GPM6B: variants seen among roughly 807,000 people sequenced by gnomAD.
GPM6B encodes the protein glycoprotein M6B.
GPM6B carries 4 observed loss-of-function variants against 27.2 expected under a neutral mutation model. The ratio of observed to expected loss-of-function variants is 0.15; its 90% CI spans 0.07 to 0.34. The LOEUF (loss-of-function observed/expected upper bound fraction) is 0.34. GPM6B is among the 10% of genes least tolerant of loss of function. The pLI is 1.00. For missense variants in GPM6B, 183 were observed against 261.9 expected (o/e 0.70, Z 2.08); for synonymous variants, 124 against 103.1 (o/e 1.20, Z -1.23).
At chrX:13,885,528 T>C (rs1416000258) in intron 1 of GPM6B, among the ~76,000 whole-genome samples, 1 of 111,966 alleles carries the variant, frequency 8.9e-6, no homozygotes, top group Non-Finnish European at 1.9e-5. Context: ...CCAGGACTCC[T>C]AGAGGTGGCC....
chrX:13,837,307 C>T (rs1194516117), intron 1 of GPM6B, among the ~76,000 whole-genome samples: 1 of 111,505 alleles, frequency 9.0e-6, no homozygotes, highest in Non-Finnish European at 1.9e-5. Context: ...GGTAGAAGTC[C>T]CCTTTCCTAG....
chrX:13,918,663 G>C (rs773822098), intron 1 of GPM6B, among the ~76,000 whole-genome samples: 10 of 112,008 alleles, frequency 8.9e-5, no homozygotes, highest in Non-Finnish European at 1.3e-4. Flanking sequence ...AGGCTGTACA[G>C]AAAGCATGAT....
chrX:13,875,344 G>A (rs1281470897), intron 1 of GPM6B, among the ~76,000 whole-genome samples: 1 of 111,528 alleles, frequency 9.0e-6, no homozygotes, highest in Non-Finnish European at 1.9e-5. Context: ...ATGAATTATG[G>A]GAAGCTGCAG....
rs1196826327 is a variant in GPM6B at position 13,771,412 on chromosome X, G to A, written c.*1469C>T. On this transcript the variant is annotated 3_prime_UTR_variant, in exon 8 of 8. Coordinates refer to ENST00000316715, the MANE Select transcript of GPM6B (RefSeq NM_001001995.3). ...TAAAAAAAAAAAAAAATCCCAAATA[G>A]GCATTTTTAGGCATTAACCAAAAAA... 2 of 110,347 alleles carry A rather than the reference G, an allele frequency of 1.8e-5. No individual in the cohort carries two copies. Among genetic ancestry groups the A allele is most frequent in the African/African-American group, 6.6e-5 (2 of 30,399 alleles). 9.1% of individuals were successfully genotyped at this position (110,347 alleles called of 1,213,427 possible).
At chrX:13,780,853 A>G (rs994432685) in intron 4 of GPM6B, 7 of 242,800 alleles carry the variant, frequency 2.9e-5, no homozygotes, top group East Asian at 1.5e-4. Flanking sequence ...TGGCTTTTCT[A>G]TTTTGAAGCT....
At chrX:13,804,492 CACT>C (rs1307471337) in intron 2 of GPM6B, among the ~76,000 whole-genome samples, 6 of 109,759 alleles carry the variant, frequency 5.5e-5, no homozygotes, top group Non-Finnish European at 1.1e-4. Context: ...AAGATGTGGA[CACT>C]ACATGTCCAA....
intron 1 of GPM6B, among the ~76,000 whole-genome samples, chrX:13,841,040 C>T (rs971444955): frequency 3.6e-5 from 4 of 112,101 alleles, no homozygotes; most frequent in African/African-American, 1.3e-4. Context: ...ATAAGGCATA[C>T]CTGCATACTT....
chrX:13,929,432 T>TTA (rs751166929), intron 1 of GPM6B, among the ~76,000 whole-genome samples: 4 of 100,887 alleles, frequency 4.0e-5, no homozygotes, highest in Non-Finnish European at 8.0e-5. Flanking sequence ...AGAAAAAGAT[T>TTA]AAAAAAAAAA....
chrX:13,791,843 C>A (rs1278648305), intron 2 of GPM6B, among the ~76,000 whole-genome samples: 3 of 110,492 alleles, frequency 2.7e-5, no homozygotes, highest in Non-Finnish European at 5.7e-5. Context: ...CTGGCAGGAA[C>A]AAGGGCTCAG....
intron 2 of GPM6B, among the ~76,000 whole-genome samples, chrX:13,787,078 A>G (rs1312334474): frequency 1.0e-5 from 1 of 100,430 alleles, no homozygotes; most frequent in Non-Finnish European, 2.1e-5. Flanking sequence ...AATCCCCCAA[A>G]TGGTCTTCAT....
intron 1 of GPM6B, among the ~76,000 whole-genome samples, chrX:13,880,675 C>CAAAAAAAAAAAAA (rs57849359): frequency 2.4e-4 from 11 of 46,609 alleles, no homozygotes; most frequent in Middle Eastern, 0.011. Flanking sequence ...GGCTCCATCT[C>CAAAAAAAAAAAAA]AAAAAAAAAA....
At chrX:13,934,210 C>T (rs1376752887) in intron 1 of GPM6B, among the ~76,000 whole-genome samples, 1 of 110,765 alleles carries the variant, frequency 9.0e-6, no homozygotes, top group Non-Finnish European at 1.9e-5. Context: ...GTTTGTGTCC[C>T]GATATTAAAA....
intron 1 of GPM6B, among the ~76,000 whole-genome samples, chrX:13,840,098 A>C (rs1472060663): frequency 8.9e-6 from 1 of 112,461 alleles, no homozygotes; most frequent in Non-Finnish European, 1.9e-5. Flanking sequence ...AAATGAAAAC[A>C]ATTGGCAATG....
intron 1 of GPM6B, among the ~76,000 whole-genome samples, chrX:13,893,831 G>A (rs12855293): frequency 0.23 from 25,800 of 111,931 alleles, 2,469 homozygotes; most frequent in East Asian, 0.61. Flanking sequence ...ATTGAGCCTG[G>A]TGCATGTATG....
intron 1 of GPM6B, chrX:13,938,224 T>C (rs1441944451): frequency 8.2e-6 from 2 of 244,393 alleles, no homozygotes; most frequent in Non-Finnish European, 1.5e-5. Flanking sequence ...CCCTCCCGGG[T>C]ACCCAGCTCT....
chrX:13,814,817 C>A (rs2049204086), intron 1 of GPM6B, among the ~76,000 whole-genome samples: 1 of 111,832 alleles, frequency 8.9e-6, no homozygotes, highest in Admixed American at 9.5e-5. Flanking sequence ...TGCTGTAGAT[C>A]AGGAAAAACA....
At chrX:13,895,586 G>A (rs927780994) in intron 1 of GPM6B, among the ~76,000 whole-genome samples, 2 of 111,376 alleles carry the variant, frequency 1.8e-5, no homozygotes, top group Non-Finnish European at 3.8e-5. Context: ...GATTTTTATA[G>A]GTATTCAACA....
chrX:13,804,285 A>C (rs17300709), intron 2 of GPM6B, among the ~76,000 whole-genome samples: 30,099 of 110,040 alleles, frequency 0.27, 3,397 homozygotes, highest in Middle Eastern at 0.37. Flanking sequence ...ACAGTCTGGA[A>C]GTGCTCCCTC....
At chrX:13,844,429 A>C (rs1196410158) in intron 1 of GPM6B, among the ~76,000 whole-genome samples, 1 of 112,184 alleles carries the variant, frequency 8.9e-6, no homozygotes, top group Non-Finnish European at 1.9e-5. Flanking sequence ...GATGGCAAAA[A>C]CTTTTAGTGC....
Sources: gnomAD v4.1 joint callset for allele counts (sites outside exome capture counted in the v4.1 genomes callset) on GRCh38, gnomAD v4.1.1 for gene constraint, MANE v1.5 for transcripts, NCBI Gene and HGNC (gene_info 2026-07-23, HGNC 2026-07-21) for gene names.